Variants in FRAS1 observed in about 807,000 individuals in gnomAD.
FRAS1 encodes extracellular matrix organizing protein FRAS1.
FRAS1 carries 290 observed loss-of-function variants against 435.2 expected under a neutral mutation model. The observed-to-expected ratio is 0.67, with a 90% CI of 0.61 to 0.73. The LOEUF (loss-of-function observed/expected upper bound fraction) is 0.73. Ranked by LOEUF, FRAS1 falls within the 30% of genes least tolerant of loss-of-function variation. The pLI, the probability that FRAS1 is intolerant of heterozygous loss-of-function variation, is 0.00. For synonymous variants in FRAS1, 1,800 were observed against 1,851.0 expected (o/e 0.97, Z 0.71); for missense variants, 4,860 against 5,001.5 (o/e 0.97, Z 0.85).
intron 28 of FRAS1, among the ~76,000 whole-genome samples, chr4:78,385,399 C>G (rs1291380939): frequency 6.6e-6 from 1 of 151,876 alleles, no homozygotes; most frequent in African/African-American, 2.4e-5. Context: ...ATCTTTGGTC[C>G]AAAAATGAAA....
chr4:78,229,029 T>A (rs2110105111), intron 2 of FRAS1, among the ~76,000 whole-genome samples: 1 of 152,306 alleles, frequency 6.6e-6, no homozygotes, highest in Non-Finnish European at 1.5e-5. Flanking sequence ...CTACCTGACT[T>A]AGTGTGGTAT....
At chr4:78,399,381 G>C (rs1732795700) in intron 29 of FRAS1, among the ~76,000 whole-genome samples, 1 of 152,152 alleles carries the variant, frequency 6.6e-6, no homozygotes, top group South Asian at 2.1e-4. Flanking sequence ...ATATTTGAAA[G>C]TAATAATAAT....
chr4:78,293,593 T>C (rs73827947), intron 14 of FRAS1, among the ~76,000 whole-genome samples: 2,084 of 152,298 alleles, frequency 0.014, 53 homozygotes, highest in African/African-American at 0.047. Flanking sequence ...TAAAATCAAC[T>C]GTCTTCAAAA....
chr4:78,406,356 A>C (rs1397090007), intron 30 of FRAS1, among the ~76,000 whole-genome samples: 3 of 152,190 alleles, frequency 2.0e-5, no homozygotes, highest in Non-Finnish European at 4.4e-5. Context: ...CATACCTAAG[A>C]CTGGGAAGAG....
chr4:78,226,906 T>G (rs1004039828), intron 2 of FRAS1, among the ~76,000 whole-genome samples: 3 of 152,198 alleles, frequency 2.0e-5, no homozygotes, highest in African/African-American at 7.2e-5. Context: ...AGTTTAGATA[T>G]TTTGTATTGA....
chr4:78,335,903 G>GTTTTTTTTT (rs3086784), intron 19 of FRAS1, among the ~76,000 whole-genome samples: 1 of 135,080 alleles, frequency 7.4e-6, no homozygotes, highest in Non-Finnish European at 1.6e-5. Context: ...GTGTGTGGTG[G>GTTTTTTTTT]TTTTTTTTTT....
intron 20 of FRAS1, among the ~76,000 whole-genome samples, chr4:78,343,235 A>T (rs1177132263): frequency 2.0e-5 from 3 of 152,234 alleles, no homozygotes; most frequent in African/African-American, 7.2e-5. Flanking sequence ...TTTCCCGAGC[A>T]CTGAATTGAA....
Position 78,452,358 on chromosome 4 carries a change from A to G in FRAS1, c.6763+4A>G, listed in dbSNP as rs548768733. 3.8e-6 allele frequency: 6 copies of G among 1,594,556 alleles called. No homozygotes were observed. In the East Asian group the frequency reaches 1.1e-4, roughly 30 times the overall value. The stretch of plus-strand genomic sequence containing the variant: ...TTGGAACATGCAGCATCACCAGGTA[A>G]GTCTATCATCTCTTGATTTACTGAA... On this transcript the variant is annotated splice_donor_region_variant and intron_variant, in intron 47 of 73. Transcript: ENST00000512123.
chr4:78,115,889 T>C (rs573477599), intron 2 of FRAS1, among the ~76,000 whole-genome samples: 2 of 152,166 alleles, frequency 1.3e-5, no homozygotes, highest in Non-Finnish European at 1.5e-5. Flanking sequence ...GTGTATTTTC[T>C]CTTGCTTCTC....
intron 20 of FRAS1, among the ~76,000 whole-genome samples, chr4:78,344,571 C>A (rs187647034): frequency 6.8e-6 from 1 of 147,086 alleles, no homozygotes; most frequent in Non-Finnish European, 1.5e-5. Context: ...TGCACACAAT[C>A]GGGGCTCAAG....
Position 78,479,526 on chromosome 4 carries a change from T to C in FRAS1, c.8251T>C (p.Ser2751Pro). 1 of 1,613,952 alleles carries C rather than the reference T, an allele frequency of 6.2e-7. No individual in the cohort carries two copies. The highest frequency in any genetic ancestry group is 1.1e-5 in the South Asian group (1 of 91,074). The stretch of plus-strand genomic sequence containing the variant: ...GATATTCGGGCCTGGTGTGACCATG[T>C]CCACCTGTGATGTCATGCTTATTGA... Reference protein sequence around the residue: ...RVIFGPGVTMSTCDVMLIDDS... With the variant: ...RVIFGPGVTMPTCDVMLIDDS... Residue 2751 changes from serine to proline, a missense_variant, in exon 56 of 74, where the codon TCC (serine) becomes CCC (proline). Ser to Pro is a moderately conservative substitution (Grantham distance 74, BLOSUM62 -1). Coordinates refer to ENST00000512123, the MANE Select transcript of FRAS1 (RefSeq NM_025074.7).
At chr4:78,457,670 T>A (rs1445419337) in intron 47 of FRAS1, among the ~76,000 whole-genome samples, 2 of 152,138 alleles carry the variant, frequency 1.3e-5, no homozygotes, top group Non-Finnish European at 2.9e-5. Context: ...CAAGGACGAG[T>A]CTAGACGTCT....
intron 2 of FRAS1, among the ~76,000 whole-genome samples, chr4:78,169,182 C>T (rs1221353010): frequency 6.6e-6 from 1 of 152,094 alleles, no homozygotes; most frequent in African/African-American, 2.4e-5. Context: ...ATCATGCATT[C>T]ATCATATTTG....
At chr4:78,330,583 T>C (rs1474873041) in intron 18 of FRAS1, among the ~76,000 whole-genome samples, 1 of 152,132 alleles carries the variant, frequency 6.6e-6, no homozygotes, top group Non-Finnish European at 1.5e-5. Flanking sequence ...AATGCGCGCC[T>C]GGGGGGTCTC....
chr4:78,497,941 T>C (rs180715435), intron 60 of FRAS1, among the ~76,000 whole-genome samples: 19 of 148,868 alleles, frequency 1.3e-4, no homozygotes, highest in South Asian at 2.1e-4. Flanking sequence ...AAACCCATCA[T>C]TGAGACTCAG....
At position 78,519,455 on chromosome 4, in the gene FRAS1, T is replaced by C. The variant is rs770092325; in HGVS notation, c.10514T>C (p.Phe3505Ser). The change falls in exon 67 of 74, where the codon TTC becomes TCC. Residue 3505 changes from phenylalanine (F) to serine (S), a missense_variant. Coordinates refer to ENST00000512123, the MANE Select transcript of FRAS1 (RefSeq NM_025074.7). The part of the protein sequence containing the change: ...EHHTEMEFSF[F>S]YDTVLWRTGI... The stretch of plus-strand genomic sequence containing the variant: ...CACACCGAGATGGAGTTTTCTTTCT[T>C]CTATGACACTGTTCTCTGGAGAACA... 7.0e-5 allele frequency: 113 copies of C among 1,611,658 alleles called. 1 individual carries two copies. Among genetic ancestry groups the C allele is most frequent in the Non-Finnish European group, 9.1e-5 (107 of 1,179,058 alleles).
At chr4:78,477,556 T>TA (rs1371894703) in intron 54 of FRAS1, among the ~76,000 whole-genome samples, 1 of 152,194 alleles carries the variant, frequency 6.6e-6, no homozygotes, top group African/African-American at 2.4e-5. Flanking sequence ...CATGTTTTTC[T>TA]CCAGTCACCA....
intron 2 of FRAS1, among the ~76,000 whole-genome samples, chr4:78,230,259 A>G (rs898597005): frequency 2.0e-4 from 31 of 152,220 alleles, no homozygotes; most frequent in Non-Finnish European, 4.0e-4. Context: ...ATATGAAACA[A>G]GCCTTTGAAA....
rs578058911 is a variant in FRAS1, at chr4:78,441,364, T to C, written c.5665+67T>C. The C allele has an allele frequency of 3.6e-4, 525 of 1,451,232 alleles. 1 individual carries two copies. Among genetic ancestry groups the C allele is most frequent in the Non-Finnish European group, 3.1e-4 (327 of 1,057,488 alleles). 89.9% of individuals were successfully genotyped at this position (1,451,232 alleles called of 1,614,324 possible). Reference sequence around the variant, plus strand: ...GAGGGGAGAGGGAGGAGGACCTTGCTTCCAGCTAAAGATGGAGATGGAGAA... The same window carrying C: ...GAGGGGAGAGGGAGGAGGACCTTGCCTCCAGCTAAAGATGGAGATGGAGAA... On this transcript the variant is annotated intron_variant, in intron 41 of 73. Coordinates refer to ENST00000512123, the MANE Select transcript of FRAS1 (RefSeq NM_025074.7).
Sources: gnomAD v4.1 joint callset for allele counts (sites outside exome capture counted in the v4.1 genomes callset) on GRCh38, gnomAD v4.1.1 for gene constraint, MANE v1.5 for transcripts, NCBI Gene and HGNC (gene_info 2026-07-23, HGNC 2026-07-21) for gene names.